The following CFAP161 variants were observed in gnomAD, a reference collection of about 807,000 sequenced individuals.
The protein encoded by CFAP161 is cilia- and flagella-associated protein 161.
In CFAP161, 25 loss-of-function variants were observed where a neutral mutation model predicts 29.0. The ratio of observed to expected loss-of-function variants is 0.86; its 90% CI spans 0.63 to 1.20. The LOEUF (loss-of-function observed/expected upper bound fraction) is 1.20. CFAP161 is among the 50% of genes most tolerant of loss of function. The probability of loss-of-function intolerance (pLI) is 0.00; values close to 1 mark genes in which losing one functional copy is unlikely to be tolerated. For missense variants in CFAP161, 367 were observed against 371.9 expected (o/e 0.99, Z 0.11); for synonymous variants, 116 against 137.4 (o/e 0.84, Z 1.09).
At chr15:81,147,585 A>G (rs1009823032) in intron 5 of CFAP161, among the ~76,000 whole-genome samples, 1 of 152,158 alleles carries the variant, frequency 6.6e-6, no homozygotes. Flanking sequence ...TATACTGAAT[A>G]CTGTAGGTAA....
intron 4 of CFAP161, among the ~76,000 whole-genome samples, chr15:81,141,811 C>T (rs542925679): frequency 1.5e-4 from 22 of 151,442 alleles, no homozygotes; most frequent in Non-Finnish European, 3.1e-4. Flanking sequence ...CAGCTTCCTG[C>T]GTAGCTGGGA....
At chr15:81,112,711 C>T (rs904484576) in intron 1 of CFAP161, among the ~76,000 whole-genome samples, 1 of 151,876 alleles carries the variant, frequency 6.6e-6, no homozygotes, top group Non-Finnish European at 1.5e-5. Context: ...TAAAAATAAC[C>T]GGCTAAATAA....
Position 81,105,167 on chromosome 15 carries a change from TCCTCCCTC to T in CFAP161, c.-141-22419_-141-22412del, listed in dbSNP as rs372730780. Among the ~76,000 whole-genome samples, 31 of 32,236 alleles carry T rather than the reference TCCTCCCTC, an allele frequency of 9.6e-4. 1 individual carries two copies. Among genetic ancestry groups the T allele is most frequent in the African/African-American group, 3.2e-3 (19 of 5,966 alleles). The allele number at this position is 32,236 out of a possible 152,430, so 21.1% of individuals were successfully genotyped here. ...TCCCTCCCTCCCTCCCTCCCTTCCT[TCCTCCCTC>T]CCTTCCTTTTTTCCTCCCTCACTCC... On this transcript the variant is annotated intron_variant, in intron 1 of 4. Transcript: ENST00000560091.
intron 1 of CFAP161, among the ~76,000 whole-genome samples, chr15:81,119,913 A>T (rs1042770444): frequency 8.2e-4 from 25 of 30,336 alleles, no homozygotes; most frequent in African/African-American, 1.9e-3. Flanking sequence ...AAAAAATAAA[A>T]ATTTAAAAAA....
chr15:81,134,915 T>G (rs1428785622), intron 1 of CFAP161, among the ~76,000 whole-genome samples: 5 of 152,202 alleles, frequency 3.3e-5, no homozygotes, highest in African/African-American at 4.8e-5. Context: ...GAGCCATTCG[T>G]ATACGGGTCA....
At chr15:81,110,005 G>A (rs1894421187) in intron 1 of CFAP161, among the ~76,000 whole-genome samples, 1 of 151,806 alleles carries the variant, frequency 6.6e-6, no homozygotes, top group African/African-American at 2.4e-5. Context: ...GTTTGTTCTT[G>A]GTCCAATTTT....
intron 1 of CFAP161, among the ~76,000 whole-genome samples, chr15:81,121,900 T>C (rs910344974): frequency 2.0e-4 from 30 of 152,212 alleles, no homozygotes; most frequent in Non-Finnish European, 3.1e-4. Context: ...CACTGTGTAT[T>C]GTTCCCTTCT....
chr15:81,138,185 C>G, intron 4 of CFAP161, 50 bp downstream of exon 4: 1 of 1,428,730 alleles, frequency 7.0e-7, no homozygotes, highest in Non-Finnish European at 9.9e-7. Context: ...TTCTGTTGCC[C>G]AAAATGGGAT....
Position 81,136,553 on chromosome 15 carries a change from A to G in CFAP161, c.197A>G (p.Tyr66Cys), listed in dbSNP as rs1478292225. 1.2e-6 allele frequency: 2 copies of G among 1,614,248 alleles called. No individual in the cohort carries two copies. Among genetic ancestry groups the G allele is most frequent in the Non-Finnish European group, 8.5e-7 (1 of 1,180,040 alleles). Residue 66 changes from tyrosine to cysteine, a missense_variant, in exon 3 of 7, where the codon TAC becomes TGC. Transcript: ENST00000286732. ...GTAACTGAAGATGGCTATATTCATTACGGTGACAAAGTGATGCTTGTGAAT... is the reference window on the plus strand; with the variant it reads ...GTAACTGAAGATGGCTATATTCATTGCGGTGACAAAGTGATGCTTGTGAAT... ...LSVTEDGYIH[Y>C]GDKVMLVNPD...
intron 1 of CFAP161, among the ~76,000 whole-genome samples, chr15:81,111,179 C>T (rs1011538999): frequency 6.6e-6 from 1 of 152,198 alleles, no homozygotes; most frequent in African/African-American, 2.4e-5. Context: ...ACACCTTACA[C>T]ATGTAACTAC....
chr15:81,117,993 A>G (rs1015151622), intron 1 of CFAP161: 6 of 481,690 alleles, frequency 1.2e-5, no homozygotes, highest in Non-Finnish European at 2.3e-5. Context: ...GCTTGAAGAC[A>G]CTCTCTTGGT....
At chr15:81,140,717 C>T (rs904834279) in intron 4 of CFAP161, among the ~76,000 whole-genome samples, 1 of 151,794 alleles carries the variant, frequency 6.6e-6, no homozygotes, top group African/African-American at 2.4e-5. Flanking sequence ...CACCATTATA[C>T]CTGGCTAAGT....
At chr15:81,144,384 C>A (rs887633024) in intron 5 of CFAP161, among the ~76,000 whole-genome samples, 13 of 152,150 alleles carry the variant, frequency 8.5e-5, no homozygotes, top group African/African-American at 2.9e-4. Flanking sequence ...CTTTTGAGGC[C>A]AGGAGTTCAA....
intron 1 of CFAP161, among the ~76,000 whole-genome samples, chr15:81,116,760 G>T (rs1004219443): frequency 6.6e-6 from 1 of 152,144 alleles, no homozygotes; most frequent in Admixed American, 6.5e-5. Flanking sequence ...CTTAAAATTT[G>T]TCTAGTTTCA....
intron 1 of CFAP161, among the ~76,000 whole-genome samples, chr15:81,116,837 G>C (rs1894505164): frequency 6.6e-6 from 1 of 152,206 alleles, no homozygotes; most frequent in Non-Finnish European, 1.5e-5. Flanking sequence ...AAATATTAGA[G>C]AAAATTAGGA....
rs755398106 is a variant in CFAP161 at position 81,147,935 on chromosome 15, T to C, written c.710+4T>C. 9 of 1,604,660 alleles carry C rather than the reference T, an allele frequency of 5.6e-6. No individual in the cohort carries two copies. The highest frequency in any genetic ancestry group is 7.7e-6 in the Non-Finnish European group (9 of 1,174,144). On this transcript the variant is annotated splice_donor_region_variant and intron_variant, in intron 6 of 6. Coordinates refer to ENST00000286732, the MANE Select transcript of CFAP161 (RefSeq NM_173528.4). Reference sequence around the variant, plus strand: ...CCCACCGGCATCTTTTCTTAAGGTATTGTATTTCAGGGTACAACAAAATGC... The same window carrying C: ...CCCACCGGCATCTTTTCTTAAGGTACTGTATTTCAGGGTACAACAAAATGC...
chr15:81,139,600 C>T (rs988690862), intron 4 of CFAP161, among the ~76,000 whole-genome samples: 11 of 152,026 alleles, frequency 7.2e-5, no homozygotes, highest in Non-Finnish European at 8.8e-5. Flanking sequence ...AATTGTGTGG[C>T]GGTATCATAA....
At chr15:81,127,246 T>A (rs575732845) in intron 1 of CFAP161, among the ~76,000 whole-genome samples, 3 of 152,326 alleles carry the variant, frequency 2.0e-5, no homozygotes, top group African/African-American at 7.2e-5. Flanking sequence ...TAATTAGCCA[T>A]CCTGCACCCA....
intron 1 of CFAP161, among the ~76,000 whole-genome samples, chr15:81,105,184 T>TCTCCCCCATACC (rs1567149935): frequency 8.3e-5 from 5 of 60,132 alleles, no homozygotes; most frequent in African/African-American, 2.3e-4. Flanking sequence ...TCCCTTCCTT[T>TCTCCCCCATACC]TTTCCTCCCT....
Sources: allele counts gnomAD v4.1 joint callset (sites outside exome capture counted in the v4.1 genomes callset), GRCh38; gene constraint gnomAD v4.1.1; transcripts MANE v1.5; gene names NCBI Gene and HGNC (gene_info 2026-07-23, HGNC 2026-07-21).